Variants in TBC1D4 observed in about 807,000 individuals in gnomAD.
TBC1D4 encodes the protein TBC (Tre-2, BUB2, CDC16) domain-containing protein.
Under a neutral mutation model 142.5 loss-of-function variants are expected in TBC1D4, and 121 were observed. The ratio of observed to expected loss-of-function variants is 0.85; its 90% CI spans 0.73 to 0.99. The LOEUF is 0.99. Ranked by LOEUF, TBC1D4 falls within the 50% of genes least tolerant of loss-of-function variation. The pLI is 0.00. For missense variants in TBC1D4, 1,475 were observed against 1,606.6 expected, an observed-to-expected ratio of 0.92 and a Z score of 1.40; for synonymous variants, 630 against 628.2, an observed-to-expected ratio of 1.00 and a Z score of -0.04.
chr13:75,456,873 C>T lies in TBC1D4; in HGVS notation c.498+24397G>A, dbSNP rs146107921. 1.9e-3 allele frequency among the ~76,000 whole-genome samples: 290 copies of T among 151,698 alleles called. 2 individuals carry two copies. Among genetic ancestry groups the T allele is most frequent in the African/African-American group, 6.7e-3 (279 of 41,340 alleles). ...CCATAACACCTTTATTCATATTAAT[C>T]ACAAGTTTGTAACAATACAAAGCCC... On this transcript the variant is annotated intron_variant, in intron 1 of 20. Transcript: ENST00000377636.
chr13:75,339,740 A>AT (rs1466079700), intron 7 of TBC1D4, among the ~76,000 whole-genome samples: 2 of 123,042 alleles, frequency 1.6e-5, no homozygotes, highest in African/African-American at 2.7e-5. Flanking sequence ...CACACCGGCT[A>AT]ATTGTTTTTG....
At chr13:75,444,531 T>C (rs1005438455) in intron 1 of TBC1D4, among the ~76,000 whole-genome samples, 7 of 152,170 alleles carry the variant, frequency 4.6e-5, no homozygotes, top group African/African-American at 1.4e-4. Flanking sequence ...GTTTAATAAT[T>C]TCACATTATA....
intron 1 of TBC1D4, chr13:75,366,953 G>A (rs1882948383): frequency 4.1e-6 from 4 of 985,394 alleles, no homozygotes; most frequent in South Asian, 4.7e-5. Flanking sequence ...AGGTGGTCAC[G>A]AAGAGCAATG....
intron 1 of TBC1D4, among the ~76,000 whole-genome samples, chr13:75,432,928 C>G (rs1014350129): frequency 2.0e-5 from 3 of 147,272 alleles, no homozygotes; most frequent in Non-Finnish European, 4.5e-5. Context: ...GGCGACAGAC[C>G]GAGACTGACT....
intron 1 of TBC1D4, among the ~76,000 whole-genome samples, chr13:75,377,060 C>G (rs7331925): frequency 1 from 151,909 of 152,348 alleles, 75,737 homozygotes; most frequent in Middle Eastern, 1. Context: ...TACATATTAG[C>G]CATAATATAA....
chr13:75,326,960 A>G (rs1486339399), intron 9 of TBC1D4, among the ~76,000 whole-genome samples: 2 of 152,204 alleles, frequency 1.3e-5, no homozygotes, highest in Non-Finnish European at 2.9e-5. Context: ...TCTGTTAAGT[A>G]TCTTCCCTCA....
At chr13:75,295,559 C>T (rs1875827048) in intron 17 of TBC1D4, among the ~76,000 whole-genome samples, 2 of 152,154 alleles carry the variant, frequency 1.3e-5, no homozygotes, top group South Asian at 4.1e-4. Flanking sequence ...TTCTAATATT[C>T]AAGTTATTCC....
intron 12 of TBC1D4, among the ~76,000 whole-genome samples, chr13:75,318,360 ACT>A (rs1334908051): frequency 6.6e-6 from 1 of 152,172 alleles, no homozygotes; most frequent in Non-Finnish European, 1.5e-5. Context: ...ACACAGCAAG[ACT>A]CTATCTCTGA....
chr13:75,314,489 T>C (rs1427522535), intron 12 of TBC1D4, among the ~76,000 whole-genome samples: 1 of 152,210 alleles, frequency 6.6e-6, no homozygotes, highest in East Asian at 1.9e-4. Context: ...GAAACATTAC[T>C]TCTGGATTGG....
chr13:75,465,014 TTACCATATGG>T (rs1267577490), intron 1 of TBC1D4, among the ~76,000 whole-genome samples: 1 of 152,178 alleles, frequency 6.6e-6, no homozygotes, highest in Non-Finnish European at 1.5e-5. Context: ...TACACAGTAC[TTACCATATGG>T]TACTGTTCTG....
intron 1 of TBC1D4, among the ~76,000 whole-genome samples, chr13:75,388,814 A>T (rs1332212593): frequency 6.6e-6 from 1 of 152,242 alleles, no homozygotes; most frequent in East Asian, 1.9e-4. Context: ...ATAAAGTATG[A>T]CAACACTGAC....
At chr13:75,342,285 A>G (rs1323303424) in intron 5 of TBC1D4, among the ~76,000 whole-genome samples, 3 of 152,222 alleles carry the variant, frequency 2.0e-5, no homozygotes, top group Non-Finnish European at 4.4e-5. Flanking sequence ...AAACAGCCAC[A>G]GTAGAAACTC....
intron 14 of TBC1D4, among the ~76,000 whole-genome samples, chr13:75,308,656 T>A (rs1566362055): frequency 6.6e-6 from 1 of 152,182 alleles, no homozygotes; most frequent in Non-Finnish European, 1.5e-5. Context: ...GATGACCACC[T>A]TTTTTTCAAC....
intron 1 of TBC1D4, among the ~76,000 whole-genome samples, chr13:75,441,727 CT>C (rs1887049335): frequency 6.6e-6 from 1 of 152,154 alleles, no homozygotes; most frequent in Admixed American, 6.5e-5. Context: ...GATCAGTTAA[CT>C]CAGAAACAGA....
intron 1 of TBC1D4, among the ~76,000 whole-genome samples, chr13:75,456,155 T>C (rs949065041): frequency 1.3e-5 from 2 of 152,030 alleles, no homozygotes; most frequent in African/African-American, 4.8e-5. Flanking sequence ...ATATAAACCA[T>C]GTGGATTAGA....
intron 8 of TBC1D4, among the ~76,000 whole-genome samples, chr13:75,333,772 C>G (rs993205842): frequency 2.0e-5 from 3 of 152,226 alleles, no homozygotes; most frequent in Admixed American, 1.3e-4. Context: ...TCACAATCTC[C>G]CATTCCACTT....
rs560629355 is a variant in TBC1D4, at chr13:75,391,226, T to A, written c.499-28619A>T. 1.9e-3 allele frequency among the ~76,000 whole-genome samples: 224 copies of A among 119,814 alleles called. 5 individuals carry two copies. Among genetic ancestry groups the A allele is most frequent in the Admixed American group, 0.016 (182 of 11,558 alleles). 78.6% of individuals were successfully genotyped at this position (119,814 alleles called of 152,430 possible). Reference sequence around the variant, plus strand: ...CACACACACACACACACACACACACTATTTTTATCTCTCATCCTAAAAGAA... The same window carrying A: ...CACACACACACACACACACACACACAATTTTTATCTCTCATCCTAAAAGAA... On this transcript the variant is annotated intron_variant, in intron 1 of 20. Coordinates refer to ENST00000377636, the MANE Select transcript of TBC1D4 (RefSeq NM_014832.5).
At chr13:75,294,524 T>G (rs562015284) in intron 18 of TBC1D4, among the ~76,000 whole-genome samples, 1 of 152,290 alleles carries the variant, frequency 6.6e-6, no homozygotes, top group South Asian at 2.1e-4. Context: ...TATATAAAAA[T>G]CTGGAAAATT....
intron 16 of TBC1D4, among the ~76,000 whole-genome samples, chr13:75,301,710 C>T (rs988886607): frequency 6.6e-6 from 1 of 152,076 alleles, no homozygotes; most frequent in African/African-American, 2.4e-5. Context: ...CATGAGTACC[C>T]ATTCCTACAC....
Sources: gnomAD v4.1 joint callset for allele counts (sites outside exome capture counted in the v4.1 genomes callset) on GRCh38, gnomAD v4.1.1 for gene constraint, MANE v1.5 for transcripts, NCBI Gene and HGNC (gene_info 2026-07-23, HGNC 2026-07-21) for gene names.